ERBB4: variants seen among roughly 807,000 people sequenced by gnomAD.
The protein encoded by ERBB4 is erb-b2 receptor tyrosine kinase 4.
In ERBB4, 42 loss-of-function variants were observed where a neutral mutation model predicts 158.0. The observed-to-expected ratio is 0.27, with a 90% CI of 0.21 to 0.34. The LOEUF (loss-of-function observed/expected upper bound fraction) is 0.34. ERBB4 is among the 10% of genes least tolerant of loss of function. The pLI is 1.00. For synonymous variants in ERBB4, 583 were observed against 558.7 expected, an observed-to-expected ratio of 1.04 and a Z score of -0.61; for missense variants, 1,333 against 1,624.1, an observed-to-expected ratio of 0.82 and a Z score of 3.08.
chr2:211,580,061 A>T (rs1249941998), intron 19 of ERBB4, among the ~76,000 whole-genome samples: 2 of 152,226 alleles, frequency 1.3e-5, no homozygotes, highest in African/African-American at 2.4e-5. Context: ...ACGGACCCTT[A>T]ATTGGAAACT....
intron 3 of ERBB4, among the ~76,000 whole-genome samples, chr2:211,883,799 AAAAAT>A (rs1417260549): frequency 3.9e-5 from 6 of 152,176 alleles, no homozygotes; most frequent in Non-Finnish European, 8.8e-5. Flanking sequence ...CTCGAAAATA[AAAAAT>A]AAAATAAAAT....
At position 211,551,881 on chromosome 2, in the gene ERBB4, A is replaced by G. The variant is rs544351312; in HGVS notation, c.2487+10022T>C. On this transcript the variant is annotated intron_variant, in intron 20 of 27. Transcript: ENST00000342788. ...CACCCATAGTTACTACTGGAGAAAA[A>G]TGGAAAAGAGGAAAGAAGGTAAATG... Among the ~76,000 whole-genome samples, 4 of 152,322 alleles carry G rather than the reference A, an allele frequency of 2.6e-5. No homozygotes were observed. In the East Asian group the frequency reaches 7.7e-4, roughly 29 times the overall value.
intron 19 of ERBB4, among the ~76,000 whole-genome samples, chr2:211,604,525 G>A (rs2068913652): frequency 6.6e-6 from 1 of 152,164 alleles, no homozygotes; most frequent in Non-Finnish European, 1.5e-5. Flanking sequence ...AAGTCAAATA[G>A]TTTAGGTGTA....
intron 1 of ERBB4, among the ~76,000 whole-genome samples, chr2:212,184,110 T>C: frequency 6.6e-6 from 1 of 152,060 alleles, no homozygotes; most frequent in South Asian, 2.1e-4. Context: ...TAAAGTGAAA[T>C]AAAACATTTT....
intron 2 of ERBB4, among the ~76,000 whole-genome samples, chr2:211,954,575 AT>A (rs2080975613): frequency 6.6e-6 from 1 of 152,122 alleles, no homozygotes; most frequent in Non-Finnish European, 1.5e-5. Flanking sequence ...TATAATGCTG[AT>A]TACTTAAGGT....
At chr2:212,071,067 G>A (rs1004344110) in intron 2 of ERBB4, among the ~76,000 whole-genome samples, 1 of 151,830 alleles carries the variant, frequency 6.6e-6, no homozygotes, top group Non-Finnish European at 1.5e-5. Context: ...TCTTGAACAA[G>A]TCACTTCCCT....
At position 212,446,578 on chromosome 2, in the gene ERBB4, CATATATATATATGT is replaced by C. The variant is rs1228016139; in HGVS notation, c.82+91857_82+91870del. On this transcript the variant is annotated intron_variant, in intron 1 of 27. Transcript: ENST00000342788. Reference sequence around the variant, plus strand: ...TGTAAGTTAATACTTAATAAACTCCCATATATATATATGTATATATATATATATATATATATATA... The same window carrying C: ...TGTAAGTTAATACTTAATAAACTCCCATATATATATATATATATATATATA... Among the ~76,000 whole-genome samples the C allele has an allele frequency of 1.5e-3, 85 of 57,228 alleles. 7 individuals carry two copies. Among genetic ancestry groups the C allele is most frequent in the Admixed American group, 4.3e-3 (19 of 4,450 alleles). 37.5% of individuals were successfully genotyped at this position (57,228 alleles called of 152,430 possible).
At chr2:212,077,189 G>A (rs904541067) in intron 2 of ERBB4, among the ~76,000 whole-genome samples, 9 of 152,050 alleles carry the variant, frequency 5.9e-5, no homozygotes, top group Non-Finnish European at 8.8e-5. Context: ...TGGTACATAC[G>A]TATTAATAAC....
chr2:211,462,173 C>T (rs1460698067), intron 20 of ERBB4, among the ~76,000 whole-genome samples: 1 of 151,912 alleles, frequency 6.6e-6, no homozygotes, highest in Non-Finnish European at 1.5e-5. Context: ...AAAGTGGGAG[C>T]TGGCACTTTA....
At chr2:211,435,076 A>G (rs1400972394) in intron 20 of ERBB4, among the ~76,000 whole-genome samples, 1 of 152,216 alleles carries the variant, frequency 6.6e-6, no homozygotes, top group Non-Finnish European at 1.5e-5. Flanking sequence ...AAATGAAATA[A>G]CTCTTCAAAT....
At chr2:211,899,340 A>C (rs1163069632) in intron 3 of ERBB4, among the ~76,000 whole-genome samples, 1 of 152,170 alleles carries the variant, frequency 6.6e-6, no homozygotes, top group East Asian at 1.9e-4. Flanking sequence ...TTAGTAAACT[A>C]ACTGCCATAT....
At position 212,134,244 on chromosome 2, in the gene ERBB4, C is replaced by A. The variant is rs904482745; in HGVS notation, c.83-9341G>T. Among the ~76,000 whole-genome samples the A allele has an allele frequency of 5.3e-5, 8 of 151,616 alleles. No homozygotes were observed. The East Asian group carries it at 1.2e-3, about 22-fold the overall frequency. ...TTATTGATAAATTGCAATTATTAAA[C>A]CATCCTTACATTCTTGAATGAATCA... is the stretch of plus-strand genomic sequence containing the variant. On this transcript the variant is annotated intron_variant, in intron 1 of 27. Coordinates refer to ENST00000342788, the MANE Select transcript of ERBB4 (RefSeq NM_005235.3).
intron 19 of ERBB4, among the ~76,000 whole-genome samples, chr2:211,588,825 G>C (rs2068371039): frequency 6.6e-6 from 1 of 152,040 alleles, no homozygotes. Flanking sequence ...GGCAGATTGA[G>C]AATTAAAATC....
chr2:212,059,135 T>G (rs1051377671), intron 2 of ERBB4, among the ~76,000 whole-genome samples: 1 of 152,154 alleles, frequency 6.6e-6, no homozygotes, highest in Admixed American at 6.5e-5. Flanking sequence ...CAGGCATTCC[T>G]ATACACCAAT....
At chr2:211,564,442 G>C (rs961788215) in intron 19 of ERBB4, among the ~76,000 whole-genome samples, 1 of 152,084 alleles carries the variant, frequency 6.6e-6, no homozygotes, top group African/African-American at 2.4e-5. Flanking sequence ...AAGTACTCTG[G>C]GGAAAATAGA....
At chr2:211,908,963 G>A (rs1272857904) in intron 3 of ERBB4, among the ~76,000 whole-genome samples, 2 of 151,468 alleles carry the variant, frequency 1.3e-5, no homozygotes, top group Non-Finnish European at 2.9e-5. Flanking sequence ...AATTATATAT[G>A]TTATAACTGG....
intron 1 of ERBB4, among the ~76,000 whole-genome samples, chr2:212,351,523 T>G (rs999461088): frequency 6.6e-6 from 1 of 152,166 alleles, no homozygotes; most frequent in Non-Finnish European, 1.5e-5. Context: ...TGATTTATAA[T>G]ATAAAATTTG....
intron 1 of ERBB4, among the ~76,000 whole-genome samples, chr2:212,525,409 AG>A (rs1692396484): frequency 6.6e-6 from 1 of 151,992 alleles, no homozygotes; most frequent in African/African-American, 2.4e-5. Flanking sequence ...AAATATGATG[AG>A]ATGAACAATT....
intron 3 of ERBB4, among the ~76,000 whole-genome samples, chr2:211,919,218 T>C (rs1214442066): frequency 6.6e-6 from 1 of 152,076 alleles, no homozygotes; most frequent in Admixed American, 6.6e-5. Context: ...TTGTCAACAA[T>C]AGAAACTAGT....
Sources: gnomAD v4.1 joint callset for allele counts (sites outside exome capture counted in the v4.1 genomes callset) on GRCh38, gnomAD v4.1.1 for gene constraint, MANE v1.5 for transcripts, NCBI Gene and HGNC (gene_info 2026-07-23, HGNC 2026-07-21) for gene names.